Variants in PRICKLE1 observed in about 807,000 individuals in gnomAD.
PRICKLE1 encodes the protein prickle planar cell polarity protein 1, also known as prickle-like protein 1.
In PRICKLE1, 14 loss-of-function variants were observed where a neutral mutation model predicts 70.2. The ratio of observed to expected loss-of-function variants is 0.20; its 90% CI spans 0.13 to 0.31. The LOEUF (loss-of-function observed/expected upper bound fraction) is 0.31. PRICKLE1 is among the 10% of genes least tolerant of loss of function. The pLI, the probability that PRICKLE1 is intolerant of heterozygous loss-of-function variation, is 1.00. For missense variants in PRICKLE1, 821 were observed against 1,026.2 expected (o/e 0.80, Z 2.73); for synonymous variants, 357 against 379.9 (o/e 0.94, Z 0.70).
intron 1 of PRICKLE1, among the ~76,000 whole-genome samples, chr12:42,554,152 G>A (rs1328792574): frequency 6.6e-6 from 1 of 152,056 alleles, no homozygotes; most frequent in African/African-American, 2.4e-5. Flanking sequence ...AAACAAAACA[G>A]GAGACCAAAA....
chr12:42,491,938 C>A (rs1231881743), intron 1 of PRICKLE1, among the ~76,000 whole-genome samples: 1 of 151,804 alleles, frequency 6.6e-6, no homozygotes, highest in East Asian at 1.9e-4. Flanking sequence ...TGCCCGCCGC[C>A]ACGCCCGGCT....
chr12:42,488,922 C>CTTTTTTTT (rs768868836), intron 1 of PRICKLE1, among the ~76,000 whole-genome samples: 23 of 130,894 alleles, frequency 1.8e-4, no homozygotes, highest in African/African-American at 6.7e-4. Context: ...ATCAATCTAT[C>CTTTTTTTT]TTTTTTTTTT....
At chr12:42,540,584 T>C (rs1054399822) in intron 1 of PRICKLE1, among the ~76,000 whole-genome samples, 5 of 152,144 alleles carry the variant, frequency 3.3e-5, no homozygotes, top group Non-Finnish European at 7.4e-5. Flanking sequence ...GTTTTTGAGA[T>C]GGAGTTTTGC....
chr12:42,515,147 T>G (rs754445841), intron 1 of PRICKLE1, among the ~76,000 whole-genome samples: 2 of 152,036 alleles, frequency 1.3e-5, no homozygotes, highest in Non-Finnish European at 2.9e-5. Context: ...TTCCAACTCC[T>G]GTCCTCAAGT....
intron 1 of PRICKLE1, among the ~76,000 whole-genome samples, chr12:42,528,229 C>T (rs1939849684): frequency 6.6e-6 from 1 of 151,884 alleles, no homozygotes; most frequent in African/African-American, 2.4e-5. Context: ...TACAGTTGTG[C>T]ACCACCATAC....
At chr12:42,540,579 T>C (rs1451331048) in intron 1 of PRICKLE1, among the ~76,000 whole-genome samples, 3 of 152,170 alleles carry the variant, frequency 2.0e-5, no homozygotes, top group Admixed American at 6.5e-5. Flanking sequence ...ATATAGTTTT[T>C]GAGATGGAGT....
In PRICKLE1 at chr12:42,458,860, A is replaced by T. The variant is rs752821017; in HGVS notation, c.*949T>A. On this transcript the variant is annotated 3_prime_UTR_variant, in exon 8 of 8. Transcript: ENST00000345127. ...GTGTGGAGGGGTTGTTTTTACATTT[A>T]TACAGTTTACATTGCTTGACCCATA... The T allele has an allele frequency of 6.3e-6, 1 of 159,048 alleles. No individual in the cohort carries two copies. Among genetic ancestry groups the T allele is most frequent in the Non-Finnish European group, 1.4e-5 (1 of 72,016 alleles). The allele number at this position is 159,048 out of a possible 1,614,324, so 9.9% of individuals were successfully genotyped here.
intron 1 of PRICKLE1, among the ~76,000 whole-genome samples, chr12:42,579,150 A>G (rs924916505): frequency 2.0e-5 from 3 of 152,208 alleles, no homozygotes; most frequent in African/African-American, 7.2e-5. Context: ...ATCACAATAA[A>G]TATCTAACAG....
chr12:42,531,633 C>T (rs1026649442), intron 1 of PRICKLE1, among the ~76,000 whole-genome samples: 3 of 152,052 alleles, frequency 2.0e-5, no homozygotes, highest in Non-Finnish European at 2.9e-5. Context: ...TTTAATACTT[C>T]GTAATTCACA....
At chr12:42,573,635 T>C (rs1009007647) in intron 1 of PRICKLE1, among the ~76,000 whole-genome samples, 2 of 152,048 alleles carry the variant, frequency 1.3e-5, no homozygotes, top group African/African-American at 4.8e-5. Flanking sequence ...AGTGGCAAGA[T>C]TTCACTTCAC....
intron 1 of PRICKLE1, among the ~76,000 whole-genome samples, chr12:42,506,849 G>C (rs1183508700): frequency 6.6e-6 from 1 of 151,714 alleles, no homozygotes; most frequent in Non-Finnish European, 1.5e-5. Flanking sequence ...GGGATTACAG[G>C]TGTGAGCCAC....
At position 42,460,446 on chromosome 12, in the gene PRICKLE1, C is replaced by G. The variant is rs1460411446; in HGVS notation, c.1859G>C (p.Arg620Thr). 1 of 1,614,080 alleles carries G rather than the reference C, an allele frequency of 6.2e-7. No homozygotes were observed. The highest frequency in any genetic ancestry group is 1.1e-5 in the South Asian group (1 of 91,080). The change falls in exon 8 of 8, where the codon AGA becomes ACA. Residue 620 changes from arginine (R) to threonine (T), a missense_variant. Transcript: ENST00000345127. ...EEKPVHLPVLRRSKSQSRPQQ... is the reference protein window; with the variant it reads ...EEKPVHLPVLTRSKSQSRPQQ... ...GGGTCTGGATTGAGACTTGGACCTT[C>G]TGAGCACTGGCAGATGTACTGGCTT... is the stretch of plus-strand genomic sequence containing the variant.
intron 1 of PRICKLE1, among the ~76,000 whole-genome samples, chr12:42,548,177 C>T (rs890479409): frequency 1.4e-4 from 22 of 152,034 alleles, no homozygotes; most frequent in African/African-American, 4.6e-4. Context: ...TGAGCCACTG[C>T]GCTCAGCTGA....
chr12:42,495,444 C>T (rs1939181610), intron 1 of PRICKLE1, among the ~76,000 whole-genome samples: 1 of 151,406 alleles, frequency 6.6e-6, no homozygotes, highest in African/African-American at 2.4e-5. Context: ...ACTATGTTGC[C>T]CAGGCTGGTC....
intron 1 of PRICKLE1, among the ~76,000 whole-genome samples, chr12:42,527,924 T>TCC: frequency 1.7e-4 from 1 of 5,820 alleles, no homozygotes; most frequent in African/African-American, 6.0e-4. Flanking sequence ...ATAATATATA[T>TCC]ATATATATAT....
intron 1 of PRICKLE1, among the ~76,000 whole-genome samples, chr12:42,495,051 G>C (rs917790624): frequency 6.6e-6 from 1 of 151,050 alleles, no homozygotes; most frequent in Non-Finnish European, 1.5e-5. Flanking sequence ...TGTGCTCCAT[G>C]CCTGGCTAAT....
intron 1 of PRICKLE1, among the ~76,000 whole-genome samples, chr12:42,541,339 CTT>C (rs143632688): frequency 6.7e-6 from 1 of 148,640 alleles, no homozygotes; most frequent in African/African-American, 2.5e-5. Context: ...CTACTCTTCT[CTT>C]TTTTTTTTCT....
At chr12:42,566,990 T>G (rs528423011) in intron 1 of PRICKLE1, among the ~76,000 whole-genome samples, 2 of 152,352 alleles carry the variant, frequency 1.3e-5, no homozygotes, top group South Asian at 4.1e-4. Flanking sequence ...GGCAAAGAGA[T>G]GATTATTTAA....
In PRICKLE1 at chr12:42,589,645, G is replaced by T; in HGVS notation, c.-229C>A. 6.6e-6 allele frequency: 1 copy of T among 152,324 alleles called. No homozygotes were observed. The highest frequency in any genetic ancestry group is 2.0e-4 in the South Asian group (1 of 4,974). 9.4% of individuals were successfully genotyped at this position (152,324 alleles called of 1,614,324 possible). A position where few individuals can be genotyped will look rare whatever the true frequency, so the allele number is the denominator to read the frequency against. ...CGTGCCGACCGCGGCGCGTCTCGGG[G>T]AAGTCAGCGCAGGCTGCGCGAGGCT... On this transcript the variant is annotated 5_prime_UTR_variant, in exon 1 of 8. Transcript: ENST00000345127. The surrounding 1 kb of genome is among the most constrained non-coding windows in gnomAD (Gnocchi z 5.0).
Sources: gnomAD v4.1 joint callset for allele counts (sites outside exome capture counted in the v4.1 genomes callset) on GRCh38, gnomAD v4.1.1 for gene constraint, Gnocchi (gnomAD v3.1) non-coding constraint, MANE v1.5 for transcripts, NCBI Gene and HGNC (gene_info 2026-07-23, HGNC 2026-07-21) for gene names.